Variants in CA13 observed in about 807,000 individuals in gnomAD.
The protein encoded by CA13 is CA-XIII.
Under a neutral mutation model 31.5 loss-of-function variants are expected in CA13, and 21 were observed. That is an observed-to-expected ratio of 0.67 (90% CI 0.47 to 0.96). The LOEUF is 0.96. Ranked by LOEUF, CA13 falls within the 40% of genes least tolerant of loss-of-function variation. The pLI is 0.00. For missense variants in CA13, 315 were observed against 318.9 expected (o/e 0.99, Z 0.09); for synonymous variants, 117 against 111.4 (o/e 1.05, Z -0.32).
chr8:85,253,270 TA>T (rs1400139294), intron 2 of CA13, among the ~76,000 whole-genome samples: 4 of 149,924 alleles, frequency 2.7e-5, no homozygotes, highest in African/African-American at 9.9e-5. Flanking sequence ...TTTATTTATT[TA>T]TTTATTTTTT....
At chr8:85,273,143 C>G (rs1280150382) in intron 6 of CA13, among the ~76,000 whole-genome samples, 6 of 152,176 alleles carry the variant, frequency 3.9e-5, no homozygotes, top group Non-Finnish European at 8.8e-5. Context: ...ATATTGTTTT[C>G]TAAAGTGGCT....
chr8:85,258,450 A>C (rs1222341335), intron 2 of CA13, among the ~76,000 whole-genome samples: 2 of 152,132 alleles, frequency 1.3e-5, no homozygotes, highest in Non-Finnish European at 2.9e-5. Context: ...TTTCCCCAAG[A>C]ATATAGAATT....
chr8:85,276,924 G>A (rs1807619918), intron 6 of CA13, among the ~76,000 whole-genome samples: 1 of 152,136 alleles, frequency 6.6e-6, no homozygotes, highest in Non-Finnish European at 1.5e-5. Flanking sequence ...AGCACCCTGT[G>A]TCTAGCTCAG....
At chr8:85,255,193 T>C (rs897695832) in intron 2 of CA13, among the ~76,000 whole-genome samples, 2 of 151,994 alleles carry the variant, frequency 1.3e-5, no homozygotes, top group African/African-American at 2.4e-5. Context: ...CATAACTCAT[T>C]GAAGCCCGGA....
rs200521679 is a variant in CA13 at position 85,250,757 on chromosome 8, G to A, written c.55G>A (p.Glu19Lys). ...TATTTAAGGTCCTATTCACTGGAAG[G>A]AATTTTTCCCTATTGCTGATGGTGA... The part of the protein sequence containing the change: ...REHNGPIHWK[E>K]FFPIADGDQQ... The change falls in exon 2 of 7, where the codon GAA becomes AAA. Residue 19 changes from glutamate to lysine, a missense_variant. Physicochemically the swap from Glu to Lys is moderately conservative, Grantham distance 56. Transcript: ENST00000321764. 4.3e-6 allele frequency: 7 copies of A among 1,612,364 alleles called. No individual in the cohort carries two copies. Among genetic ancestry groups the A allele is most frequent in the South Asian group, 2.2e-5 (2 of 90,990 alleles).
At chr8:85,248,516 T>C (rs556204876) in intron 1 of CA13, among the ~76,000 whole-genome samples, 1 of 150,242 alleles carries the variant, frequency 6.7e-6, no homozygotes, top group African/African-American at 2.4e-5. Flanking sequence ...TCCTAGCTAC[T>C]CAAAAGACTG....
intron 6 of CA13, among the ~76,000 whole-genome samples, chr8:85,278,697 C>G (rs1807655400): frequency 6.6e-6 from 1 of 152,160 alleles, no homozygotes; most frequent in Non-Finnish European, 1.5e-5. Context: ...TGTGTTGAAG[C>G]TAGGTCATGG....
chr8:85,259,336 G>A (rs1015473861), intron 2 of CA13, 85 bp from the exon 3 acceptor site: 1 of 1,042,356 alleles, frequency 9.6e-7, no homozygotes, highest in Non-Finnish European at 1.5e-6. Flanking sequence ...TGGATGTATG[G>A]AGTAATTCAG....
chr8:85,246,454 T>C (rs769401324), intron 1 of CA13: 9 of 455,986 alleles, frequency 2.0e-5, no homozygotes, highest in African/African-American at 4.0e-5. Context: ...CTGGGGACTT[T>C]AGTAAGGGTT....
At chr8:85,247,322 G>A (rs926275240) in intron 1 of CA13, among the ~76,000 whole-genome samples, 1 of 152,202 alleles carries the variant, frequency 6.6e-6, no homozygotes, top group South Asian at 2.1e-4. Flanking sequence ...CTCTTTAGTA[G>A]GTTAGAAATT....
intron 5 of CA13, 28 bp downstream of exon 5, chr8:85,267,992 CAT>C (rs1564003428): frequency 7.3e-7 from 1 of 1,367,712 alleles, no homozygotes; most frequent in Non-Finnish European, 1.0e-6. Context: ...TAATAATTAA[CAT>C]ATTTCTTGTT....
intron 1 of CA13, chr8:85,246,442 T>C (rs780584042): frequency 6.8e-5 from 31 of 456,128 alleles, no homozygotes; most frequent in South Asian, 4.8e-4. Context: ...GGCTGACTAC[T>C]ACTGGGGACT....
rs1813732015 is a variant in CA13, at chr8:85,246,446, G to C, written c.37+581G>C. The C allele has an allele frequency of 6.6e-6, 3 of 455,898 alleles. No homozygotes were observed. The Admixed American group carries it at 7.1e-5, about 11-fold the overall frequency. The allele number at this position is 455,898 out of a possible 1,614,324, so 28.2% of individuals were successfully genotyped here. The stretch of plus-strand genomic sequence containing the variant: ...AATTTGCAGTTGGCTGACTACTACT[G>C]GGGACTTTAGTAAGGGTTCAGGTTC... On this transcript the variant is annotated intron_variant, in intron 1 of 6. Coordinates refer to ENST00000321764, the MANE Select transcript of CA13 (RefSeq NM_198584.3).
Position 85,268,603 on chromosome 8 carries a change from A to T in CA13, c.645A>T (p.Gln215His). Residue 215 changes from glutamine (Q) to histidine (H), a missense_variant, in exon 6 of 7, where the codon CAA (glutamine) becomes CAT (histidine). Coordinates refer to ENST00000321764, the MANE Select transcript of CA13 (RefSeq NM_198584.3). ...GTGTCACATGGATTGTTTTAAAGCA[A>T]CCTATAAACATCAGCTCTCAACAGG... The part of the protein sequence containing the change: ...LESVTWIVLK[Q>H]PINISSQQLA... The T allele has an allele frequency of 6.2e-7, 1 of 1,613,504 alleles. No individual in the cohort carries two copies. Among genetic ancestry groups the T allele is most frequent in the Non-Finnish European group, 8.5e-7 (1 of 1,179,876 alleles).
At position 85,281,629 on chromosome 8, in the gene CA13, C is replaced by A; in HGVS notation, c.*280C>A. 2.1e-6 allele frequency: 1 copy of A among 472,014 alleles called. No homozygotes were observed. Among genetic ancestry groups the A allele is most frequent in the Non-Finnish European group, 3.0e-6 (1 of 332,410 alleles). The allele number at this position is 472,014 out of a possible 1,614,324, so 29.2% of individuals were successfully genotyped here. ...CTGGACTCAAGTGATCCTCCCACCT[C>A]AGCCTCCAGAGTAAGTAGGACCACA... is the stretch of plus-strand genomic sequence containing the variant. On this transcript the variant is annotated 3_prime_UTR_variant, in exon 7 of 7. Coordinates refer to ENST00000321764, the MANE Select transcript of CA13 (RefSeq NM_198584.3).
intron 6 of CA13, among the ~76,000 whole-genome samples, chr8:85,277,604 G>C (rs1211659076): frequency 6.6e-6 from 1 of 152,154 alleles, no homozygotes; most frequent in Non-Finnish European, 1.5e-5. Context: ...ACAGTAGGGC[G>C]GGTACTGATA....
intron 6 of CA13, among the ~76,000 whole-genome samples, chr8:85,278,981 T>C (rs1350798069): frequency 6.6e-6 from 1 of 152,224 alleles, no homozygotes; most frequent in African/African-American, 2.4e-5. Flanking sequence ...TAGTCCATTA[T>C]GTTCCATAAC....
chr8:85,250,367 C>T (rs542411643), intron 1 of CA13, among the ~76,000 whole-genome samples: 1 of 152,318 alleles, frequency 6.6e-6, no homozygotes, highest in African/African-American at 2.4e-5. Context: ...CAAACTTGAA[C>T]TCTGGAGCAA....
At chr8:85,258,164 C>A (rs2129965514) in intron 2 of CA13, among the ~76,000 whole-genome samples, 1 of 151,952 alleles carries the variant, frequency 6.6e-6, no homozygotes, top group East Asian at 1.9e-4. Context: ...CCATGCCAGG[C>A]CTGTTCATGG....
Sources: allele counts gnomAD v4.1 joint callset (sites outside exome capture counted in the v4.1 genomes callset), GRCh38; gene constraint gnomAD v4.1.1; transcripts MANE v1.5; gene names NCBI Gene and HGNC (gene_info 2026-07-23, HGNC 2026-07-21).